Variants in KIF15 observed in about 807,000 individuals in gnomAD.
KIF15 encodes the protein kinesin family member 15, also known as kinesin-like protein KIF15.
Under a neutral mutation model 190.6 loss-of-function variants are expected in KIF15, and 140 were observed. The observed-to-expected ratio is 0.73, with a 90% CI of 0.64 to 0.84. The LOEUF (loss-of-function observed/expected upper bound fraction) is 0.84, where lower values mean the gene tolerates loss of function less well. Ranked by LOEUF, KIF15 falls within the 40% of genes least tolerant of loss-of-function variation. KIF15 has a pLI of 0.00. For synonymous variants in KIF15, 528 were observed against 551.3 expected (o/e 0.96, Z 0.59); for missense variants, 1,372 against 1,584.4 (o/e 0.87, Z 2.28).
At chr3:44,839,153 G>C (rs369422234) in intron 27 of KIF15, among the ~76,000 whole-genome samples, 1 of 151,928 alleles carries the variant, frequency 6.6e-6, no homozygotes, top group Non-Finnish European at 1.5e-5. Flanking sequence ...GGTGGATCAC[G>C]AGGTCAGGAG....
chr3:44,787,873 G>A (rs1706487400), intron 7 of KIF15, among the ~76,000 whole-genome samples: 2 of 149,046 alleles, frequency 1.3e-5, no homozygotes, highest in Admixed American at 1.3e-4. Context: ...TGTTTTTTTG[G>A]AGACAGAATC....
At chr3:44,847,343 A>G (rs1385993902) in intron 30 of KIF15, among the ~76,000 whole-genome samples, 1 of 152,220 alleles carries the variant, frequency 6.6e-6, no homozygotes, top group Non-Finnish European at 1.5e-5. Context: ...CAGAAACTCA[A>G]CTTATTATCC....
intron 33 of KIF15, 86 bp downstream of exon 33, chr3:44,852,038 G>T: frequency 1.3e-6 from 2 of 1,484,430 alleles, no homozygotes; most frequent in Non-Finnish European, 1.8e-6. Flanking sequence ...TTGTGATTGG[G>T]TGTCCTTAGT....
At chr3:44,851,198 G>A (rs544928483) in intron 32 of KIF15, among the ~76,000 whole-genome samples, 2 of 152,298 alleles carry the variant, frequency 1.3e-5, no homozygotes, top group African/African-American at 4.8e-5. Flanking sequence ...CCTAGGAGTT[G>A]GAGGCTGCAG....
Position 44,847,968 on chromosome 3 carries a change from C to A in KIF15, c.3696-17C>A. ...GTGTTTTCCTATGCCTCCTCCCACC[C>A]CTGTTAATCTATGCAGTGATCAGAA... is the stretch of plus-strand genomic sequence containing the variant. On this transcript the variant is annotated splice_polypyrimidine_tract_variant and intron_variant, in intron 30 of 34. Coordinates refer to ENST00000326047, the MANE Select transcript of KIF15 (RefSeq NM_020242.3). 6.4e-7 allele frequency: 1 copy of A among 1,574,668 alleles called. No homozygotes were observed. Among genetic ancestry groups the A allele is most frequent in the Non-Finnish European group, 8.6e-7 (1 of 1,157,788 alleles).
rs190189474 is a variant in KIF15, at chr3:44,864,518, A to G, written c.*60-8811A>G. On this transcript the variant is annotated intron_variant and NMD_transcript_variant, in intron 6 of 6. Transcript: ENST00000422209. ...TCATGGAGCAAATGTAATTCTAATCATGGAAGAATTCTTAAGTTAGATATG... is the reference window on the plus strand; with the variant it reads ...TCATGGAGCAAATGTAATTCTAATCGTGGAAGAATTCTTAAGTTAGATATG... Among the ~76,000 whole-genome samples, 268 of 152,248 alleles carry G rather than the reference A, an allele frequency of 1.8e-3. 1 individual carries two copies. The highest frequency in any genetic ancestry group is 5.8e-3 in the African/African-American group (241 of 41,538).
At chr3:44,786,218 A>G (rs1433965889) in intron 6 of KIF15, among the ~76,000 whole-genome samples, 177 bp from the exon 7 acceptor site, 2 of 152,210 alleles carry the variant, frequency 1.3e-5, no homozygotes, top group African/African-American at 4.8e-5. Flanking sequence ...TCCATCTCAA[A>G]CAAAACAAAA....
chr3:44,795,349 C>T (rs1706924396), intron 8 of KIF15, among the ~76,000 whole-genome samples: 1 of 152,140 alleles, frequency 6.6e-6, no homozygotes, highest in South Asian at 2.1e-4. Context: ...GGCATTTCAG[C>T]ATGGCTCAAT....
At chr3:44,762,548 A>T (rs138859571) in intron 1 of KIF15, among the ~76,000 whole-genome samples, 197 of 152,294 alleles carry the variant, frequency 1.3e-3, no homozygotes, top group African/African-American at 4.5e-3. Flanking sequence ...TCACATTGCC[A>T]CATCTCTTAA....
intron 20 of KIF15, among the ~76,000 whole-genome samples, chr3:44,817,317 T>G (rs1014520742): frequency 6.6e-6 from 1 of 152,230 alleles, no homozygotes; most frequent in Admixed American, 6.5e-5. Context: ...TCTTTGCCCA[T>G]GCGTATGTCT....
At chr3:44,852,624 A>G in intron 34 of KIF15, 49 bp from the exon 35 acceptor site, 2 of 1,393,878 alleles carry the variant, frequency 1.4e-6, no homozygotes, top group Non-Finnish European at 2.0e-6. Flanking sequence ...ACTTCCTGTA[A>G]GAATTAGAGC....
At chr3:44,810,427 A>AT (rs950152276) in intron 16 of KIF15, among the ~76,000 whole-genome samples, 35 of 146,002 alleles carry the variant, frequency 2.4e-4, no homozygotes, top group South Asian at 4.4e-4. Context: ...AATTAAAATG[A>AT]TTTTTTTTTT....
chr3:44,847,945 G>C, intron 30 of KIF15, 40 bp from the exon 31 acceptor site: 1 of 1,412,730 alleles, frequency 7.1e-7, no homozygotes, highest in South Asian at 1.2e-5. Context: ...ACTTAGCAGT[G>C]TTTTCCTATG....
Position 44,774,419 on chromosome 3 carries a change from G to A in KIF15, c.44G>A (p.Gly15Asp), listed in dbSNP as rs1705780899. The A allele has an allele frequency of 1.9e-6, 3 of 1,613,238 alleles. No individual in the cohort carries two copies. Among genetic ancestry groups the A allele is most frequent in the Non-Finnish European group, 2.5e-6 (3 of 1,179,540 alleles). ...CKTELRSVTN[G>D]QSNQPSNEGD... ...GCTGAGTTACGCAGCGTGACAAATG[G>A]TCAGTCTAACCAACCAAGGTAAGGA... Residue 15 changes from glycine (G) to aspartate (D), a missense_variant, in exon 2 of 35, where the codon GGT (glycine) becomes GAT (aspartate). Transcript: ENST00000326047.
At chr3:44,820,993 C>T in intron 20 of KIF15, among the ~76,000 whole-genome samples, 1 of 145,920 alleles carries the variant, frequency 6.9e-6, no homozygotes, top group Admixed American at 6.8e-5. Context: ...ACCCCCCCAC[C>T]TCCCTCCCGG....
intron 13 of KIF15, 144 bp from the exon 14 acceptor site, chr3:44,802,670 C>T: frequency 1.4e-6 from 1 of 700,600 alleles, no homozygotes; most frequent in Non-Finnish European, 2.3e-6. Context: ...ATCACAAATG[C>T]CAAGTTGCTT....
In KIF15 at chr3:44,797,820, C is replaced by T. The variant is rs750381264; in HGVS notation, c.976-14C>T. 29 of 1,610,678 alleles carry T rather than the reference C, an allele frequency of 1.8e-5. No homozygotes were observed. Among genetic ancestry groups the T allele is most frequent in the Non-Finnish European group, 2.5e-5 (29 of 1,179,020 alleles). On this transcript the variant is annotated splice_polypyrimidine_tract_variant and intron_variant, in intron 9 of 34. Transcript: ENST00000326047. Reference sequence around the variant, plus strand: ...TTTCTCACCGAAAATATGTTCATTCCTATCATTAAACAGGATTCCCTTGGA... The same window carrying T: ...TTTCTCACCGAAAATATGTTCATTCTTATCATTAAACAGGATTCCCTTGGA...
At chr3:44,849,813 A>G (rs920142998) in intron 32 of KIF15, among the ~76,000 whole-genome samples, 2 of 152,160 alleles carry the variant, frequency 1.3e-5, no homozygotes, top group African/African-American at 2.4e-5. Context: ...TTTATTACCA[A>G]TTGAGTTCAC....
At chr3:44,834,660 C>G (rs1278180879) in intron 26 of KIF15, among the ~76,000 whole-genome samples, 1 of 151,924 alleles carries the variant, frequency 6.6e-6, no homozygotes, top group East Asian at 1.9e-4. Flanking sequence ...CTGTGGCTCA[C>G]GCCTGTAATC....
Sources: allele counts gnomAD v4.1 joint callset (sites outside exome capture counted in the v4.1 genomes callset), GRCh38; gene constraint gnomAD v4.1.1; transcripts MANE v1.5; gene names NCBI Gene and HGNC (gene_info 2026-07-23, HGNC 2026-07-21).